Variants in ATP8B4 observed in about 807,000 individuals in gnomAD.
ATP8B4 encodes the protein probable phospholipid-transporting ATPase IM.
In ATP8B4, 133 loss-of-function variants were observed where a neutral mutation model predicts 145.6. The ratio of observed to expected loss-of-function variants is 0.91; its 90% confidence interval spans 0.79 to 1.05. The LOEUF (loss-of-function observed/expected upper bound fraction) is 1.05. Among genes scored for constraint, ATP8B4 ranks in the 50% least tolerant of loss-of-function variants. ATP8B4 has a pLI of 0.00. For missense variants in ATP8B4, 1,458 were observed against 1,425.2 expected (o/e 1.02, Z -0.37); for synonymous variants, 507 against 492.9 (o/e 1.03, Z -0.38).
At chr15:50,049,349 G>A (rs954755693) in intron 3 of ATP8B4, among the ~76,000 whole-genome samples, 15 of 152,132 alleles carry the variant, frequency 9.9e-5, no homozygotes, top group African/African-American at 3.4e-4. Flanking sequence ...TGCTGTATAT[G>A]TCCATGAGTA....
At chr15:49,978,711 C>T (rs1015767391) in intron 12 of ATP8B4, among the ~76,000 whole-genome samples, 5 of 148,630 alleles carry the variant, frequency 3.4e-5, no homozygotes, top group African/African-American at 9.8e-5. Context: ...GGTACAGATT[C>T]TAGGGCCAAT....
At chr15:49,932,236 C>A (rs1333898075) in intron 15 of ATP8B4, among the ~76,000 whole-genome samples, 1 of 151,642 alleles carries the variant, frequency 6.6e-6, no homozygotes, top group East Asian at 1.9e-4. Flanking sequence ...ACCTAAATAT[C>A]TAGAAATATT....
At chr15:50,100,066 A>C (rs1170154984) in intron 2 of ATP8B4, among the ~76,000 whole-genome samples, 2 of 151,820 alleles carry the variant, frequency 1.3e-5, no homozygotes, top group Non-Finnish European at 2.9e-5. Flanking sequence ...AATGCAAGAC[A>C]TCTGAATATG....
chr15:50,103,551 A>T (rs557995387), intron 2 of ATP8B4, among the ~76,000 whole-genome samples: 1 of 152,318 alleles, frequency 6.6e-6, no homozygotes, highest in South Asian at 2.1e-4. Context: ...GACCTCTACA[A>T]GGAAGACTAT....
chr15:49,909,722 CAAAAAA>C (rs995336781), intron 20 of ATP8B4, among the ~76,000 whole-genome samples: 44 of 72,026 alleles, frequency 6.1e-4, no homozygotes, highest in African/African-American at 2.3e-3. Flanking sequence ...CTTTGTTTAC[CAAAAAA>C]AAAAAAAAAA....
At chr15:49,916,882 TCCCTCCCTCC>T in intron 20 of ATP8B4, 42 bp downstream of exon 20, 2 of 1,507,058 alleles carry the variant, frequency 1.3e-6, no homozygotes, top group Admixed American at 1.7e-5. Flanking sequence ...TGATCTTTTT[TCCCTCCCTCC>T]CTCTCGTCCT....
intron 1 of ATP8B4, among the ~76,000 whole-genome samples, chr15:50,159,775 T>C (rs1423180418): frequency 1.3e-5 from 2 of 152,190 alleles, no homozygotes; most frequent in South Asian, 2.1e-4. Context: ...ATGTACCACA[T>C]TGATTGATTT....
intron 2 of ATP8B4, among the ~76,000 whole-genome samples, chr15:50,085,466 G>T (rs893564052): frequency 3.3e-5 from 5 of 151,998 alleles, no homozygotes; most frequent in African/African-American, 1.2e-4. Context: ...CTTCTACATA[G>T]AGTTCAGTTA....
rs571744644 is a variant in ATP8B4, at chr15:49,947,154, C to T, written c.1288-12972G>A. On this transcript the variant is annotated intron_variant, in intron 14 of 27. Coordinates refer to ENST00000284509, the MANE Select transcript of ATP8B4 (RefSeq NM_024837.4). The stretch of plus-strand genomic sequence containing the variant: ...GAAAATTAGAAAACATTGATGAGGC[C>T]GGGTGCGGTGGCTCATGCTTGTAAT... Among the ~76,000 whole-genome samples the T allele has an allele frequency of 2.7e-4, 41 of 152,190 alleles. No homozygotes were observed. In the South Asian group the frequency reaches 4.6e-3, roughly 17 times the overall value.
chr15:50,153,558 C>T (rs1355131324), intron 1 of ATP8B4, among the ~76,000 whole-genome samples: 2 of 152,086 alleles, frequency 1.3e-5, no homozygotes, highest in Non-Finnish European at 2.9e-5. Flanking sequence ...AGGATAGTCT[C>T]GATCTCCTGA....
chr15:50,113,814 G>A (rs1374475450), intron 1 of ATP8B4, among the ~76,000 whole-genome samples: 7 of 125,816 alleles, frequency 5.6e-5, no homozygotes, highest in East Asian at 4.5e-4. Context: ...ACTCCAGCCC[G>A]GGCAACAACA....
At chr15:50,005,785 C>A (rs74815755) in intron 7 of ATP8B4, among the ~76,000 whole-genome samples, 9,774 of 152,212 alleles carry the variant, frequency 0.064, 477 homozygotes, top group African/African-American at 0.13. Flanking sequence ...GAAAGTATTT[C>A]ACTTTGTTTT....
Position 49,862,360 on chromosome 15 carries a change from G to C in ATP8B4, c.3182C>G (p.Ser1061Cys), listed in dbSNP as rs1327524527. Residue 1061 changes from serine to cysteine, a missense_variant, in exon 27 of 28, where the codon TCC (serine) becomes TGC (cysteine). Transcript: ENST00000284509. Reference protein sequence around the residue: ...QFPFVGNARHSLTQKCIWLVI... With the variant: ...QFPFVGNARHCLTQKCIWLVI... ...AAGCCAGATGCACTTCTGGGTCAGG[G>C]AATGTCGTGCATTACCTATCAATCA... 1.2e-6 allele frequency: 2 copies of C among 1,613,462 alleles called. No individual in the cohort carries two copies. The highest frequency in any genetic ancestry group is 1.7e-6 in the Non-Finnish European group (2 of 1,179,606).
chr15:49,895,595 T>C (rs993975045), intron 23 of ATP8B4: 1 of 152,234 alleles, frequency 6.6e-6, no homozygotes, highest in African/African-American at 2.4e-5. Context: ...GTGGTGTGCC[T>C]TACAGCTGGG....
intron 27 of ATP8B4, among the ~76,000 whole-genome samples, chr15:49,861,739 G>A (rs944183863): frequency 6.6e-6 from 1 of 152,102 alleles, no homozygotes; most frequent in Non-Finnish European, 1.5e-5. Flanking sequence ...CCTTCCAAGT[G>A]TACTAATCTA....
intron 1 of ATP8B4, among the ~76,000 whole-genome samples, chr15:50,134,586 G>C (rs1470046357): frequency 6.6e-6 from 1 of 152,086 alleles, no homozygotes; most frequent in Non-Finnish European, 1.5e-5. Flanking sequence ...GGAGATAACG[G>C]GAAATCAGGG....
chr15:49,964,403 C>T (rs1255180623), intron 13 of ATP8B4, among the ~76,000 whole-genome samples: 2 of 151,966 alleles, frequency 1.3e-5, no homozygotes, highest in Non-Finnish European at 2.9e-5. Context: ...ATTTACAGGG[C>T]TGTTGATGAA....
intron 23 of ATP8B4, among the ~76,000 whole-genome samples, chr15:49,885,137 A>G (rs1256492353): frequency 1.3e-5 from 2 of 152,112 alleles, no homozygotes; most frequent in Non-Finnish European, 2.9e-5. Context: ...AGACTCTTCA[A>G]CTTCACCTCA....
At position 49,930,581 on chromosome 15, in the gene ATP8B4, CACA is replaced by C. The variant is rs1300791020; in HGVS notation, c.1642+535_1642+537del. Among the ~76,000 whole-genome samples, 6 of 152,008 alleles carry C rather than the reference CACA, an allele frequency of 3.9e-5. No individual in the cohort carries two copies. In the East Asian group the frequency reaches 1.2e-3, roughly 29 times the overall value. On this transcript the variant is annotated intron_variant, in intron 16 of 27. Transcript: ENST00000284509. ...TAATGAGGAGGCTGAGGACGATGTTCACAACAACTGTCATGTGCCAAGCAATTT... is the reference window on the plus strand; with the variant it reads ...TAATGAGGAGGCTGAGGACGATGTTCACAACTGTCATGTGCCAAGCAATTT...
Sources: allele counts gnomAD v4.1 joint callset (sites outside exome capture counted in the v4.1 genomes callset), GRCh38; gene constraint gnomAD v4.1.1; transcripts MANE v1.5; gene names NCBI Gene and HGNC (gene_info 2026-07-23, HGNC 2026-07-21).